Variants in SH3BP5 observed in about 807,000 individuals in gnomAD.
SH3BP5 encodes SH3 domain-binding protein 5.
In SH3BP5, 22 loss-of-function variants were observed where a neutral mutation model predicts 43.3. The ratio of observed to expected loss-of-function variants is 0.51; its 90% CI spans 0.36 to 0.73. The LOEUF (loss-of-function observed/expected upper bound fraction) is 0.73. Ranked by LOEUF, SH3BP5 falls within the 30% of genes least tolerant of loss-of-function variation. The pLI is 0.00. For synonymous variants in SH3BP5, 255 were observed against 225.8 expected, an observed-to-expected ratio of 1.13 and a Z score of -1.16; for missense variants, 529 against 586.9, an observed-to-expected ratio of 0.90 and a Z score of 1.02.
At chr3:15,303,240 C>A (rs1236792120) in intron 3 of SH3BP5, among the ~76,000 whole-genome samples, 1 of 152,244 alleles carries the variant, frequency 6.6e-6, no homozygotes, top group African/African-American at 2.4e-5. Context: ...CTGCTTAGAT[C>A]TTCTTGGGAA....
intron 2 of SH3BP5, among the ~76,000 whole-genome samples, chr3:15,320,298 T>C (rs1289423421): frequency 6.6e-6 from 1 of 151,990 alleles, no homozygotes; most frequent in Non-Finnish European, 1.5e-5. Flanking sequence ...CATTAACATC[T>C]CTTAGATAAT....
chr3:15,309,778 A>G (rs546804936), intron 2 of SH3BP5, among the ~76,000 whole-genome samples: 4 of 152,246 alleles, frequency 2.6e-5, no homozygotes, highest in African/African-American at 9.6e-5. Flanking sequence ...ATTTGACATC[A>G]GCGTTTCCTT....
chr3:15,284,265 CCT>C (rs1697205709), intron 3 of SH3BP5, among the ~76,000 whole-genome samples: 1 of 152,120 alleles, frequency 6.6e-6, no homozygotes, highest in Non-Finnish European at 1.5e-5. Context: ...TTTGCCAAGC[CCT>C]CTCTCTACAG....
At chr3:15,293,402 A>C (rs777127904) in intron 3 of SH3BP5, among the ~76,000 whole-genome samples, 1 of 152,244 alleles carries the variant, frequency 6.6e-6, no homozygotes, top group African/African-American at 2.4e-5. Flanking sequence ...GGGAAGAAGG[A>C]AGGCATGACA....
chr3:15,291,709 C>T (rs1697417637), intron 3 of SH3BP5, among the ~76,000 whole-genome samples: 1 of 152,126 alleles, frequency 6.6e-6, no homozygotes, highest in Non-Finnish European at 1.5e-5. Flanking sequence ...GCATGATGAA[C>T]CCTGAGTTGG....
intron 8 of SH3BP5, chr3:15,256,592 C>G (rs565878595): frequency 1.4e-4 from 85 of 592,978 alleles, no homozygotes; most frequent in Non-Finnish European, 2.4e-4. Flanking sequence ...ACAAACCTCT[C>G]TACTATGTGC....
chr3:15,256,146 T>G lies in SH3BP5; in HGVS notation c.1308A>C (p.Leu436=), dbSNP rs200276300. ...ALENRMKQLS[L]QCSKGRDGII... ...TTCCATCTCTTCCCTTTGAGCACTG[T>G]AGGGAGAGCTGCTTCATCCGGTTCT... Residue 436 remains leucine (L), a synonymous_variant, in exon 9 of 9, where the codon CTA becomes CTC. Coordinates refer to ENST00000383791, the MANE Select transcript of SH3BP5 (RefSeq NM_004844.5). 2 of 1,614,216 alleles carry G rather than the reference T, an allele frequency of 1.2e-6. No homozygotes were observed. The highest frequency in any genetic ancestry group is 1.7e-6 in the Non-Finnish European group (2 of 1,180,022).
At position 15,331,569 on chromosome 3, in the gene SH3BP5, G is replaced by C. The variant is rs142349401; in HGVS notation, c.138+702C>G. On this transcript the variant is annotated intron_variant, in intron 1 of 8. Coordinates refer to ENST00000383791, the MANE Select transcript of SH3BP5 (RefSeq NM_004844.5). Reference sequence around the variant, plus strand: ...TTTTTAATCATCTCTCTTGGAAATGGAGGCACAGCCAGCCAGCCCAATCCC... The same window carrying C: ...TTTTTAATCATCTCTCTTGGAAATGCAGGCACAGCCAGCCAGCCCAATCCC... Among the ~76,000 whole-genome samples the C allele has an allele frequency of 8.0e-3, 1,225 of 152,260 alleles. 12 individuals are homozygous for C. Among genetic ancestry groups the C allele is most frequent in the Non-Finnish European group, 0.013 (869 of 68,020 alleles).
At chr3:15,272,664 C>CAT (rs200230778) in intron 3 of SH3BP5, among the ~76,000 whole-genome samples, 14 of 108,516 alleles carry the variant, frequency 1.3e-4, no homozygotes, top group Admixed American at 6.4e-4. Context: ...AGGATAAAGA[C>CAT]ATTACAAAAC....
At chr3:15,256,747 A>G (rs987315410) in intron 8 of SH3BP5, 106 bp downstream of exon 8, 5 of 1,280,308 alleles carry the variant, frequency 3.9e-6, no homozygotes, top group Non-Finnish European at 5.3e-6. Context: ...AGACCTGGTA[A>G]TGCAGCATGG....
chr3:15,332,751 C>T, upstream of SH3BP5: 2 of 778,064 alleles, frequency 2.6e-6, no homozygotes, highest in African/African-American at 3.7e-5. Flanking sequence ...ATAGGACAGC[C>T]CCCACCCCCT....
chr3:15,301,903 C>G (rs116488977), intron 3 of SH3BP5, among the ~76,000 whole-genome samples: 224 of 152,176 alleles, frequency 1.5e-3, no homozygotes, highest in South Asian at 8.3e-3. Flanking sequence ...GCCACTGCCG[C>G]GACTCCAGTG....
At chr3:15,304,815 A>C (rs1422026905) in intron 2 of SH3BP5, among the ~76,000 whole-genome samples, 1 of 41,242 alleles carries the variant, frequency 2.4e-5, no homozygotes, top group Non-Finnish European at 4.3e-5. Context: ...ACTCTGTCTC[A>C]AAAAAAAAAA....
Position 15,294,325 on chromosome 3 carries a change from G to GTGTGTGTGTGTGTGTA in SH3BP5, c.330+9777_330+9778insTACACACACACACACA, listed in dbSNP as rs561289765. Among the ~76,000 whole-genome samples the GTGTGTGTGTGTGTGTA allele has an allele frequency of 3.5e-5, 5 of 142,928 alleles. 1 individual carries two copies. The highest frequency in any genetic ancestry group is 1.4e-4 in the African/African-American group (5 of 35,068). The allele number at this position is 142,928 out of a possible 152,430, so 93.8% of individuals were successfully genotyped here. A position where few individuals can be genotyped will look rare whatever the true frequency, so the allele number is the denominator to read the frequency against. On this transcript the variant is annotated intron_variant, in intron 3 of 8. Transcript: ENST00000383791. ...TGTGTGTGTGTGTGTGTGTGTGTGT[G>GTGTGTGTGTGTGTGTA]TGTGTGCGCGCGCATGTTTACGTAA...
At chr3:15,279,861 A>T (rs1424048240) in intron 3 of SH3BP5, among the ~76,000 whole-genome samples, 1 of 151,956 alleles carries the variant, frequency 6.6e-6, no homozygotes, top group Non-Finnish European at 1.5e-5. Flanking sequence ...CCTGCAGTTC[A>T]CCTCTGGACA....
At chr3:15,323,746 C>T (rs2125137806) in intron 2 of SH3BP5, among the ~76,000 whole-genome samples, 1 of 152,246 alleles carries the variant, frequency 6.6e-6, no homozygotes, top group East Asian at 1.9e-4. Flanking sequence ...AACTGAGACA[C>T]AATCCCATTT....
chr3:15,256,289 C>T lies in SH3BP5; in HGVS notation c.1165G>A (p.Gly389Arg), dbSNP rs1559420824. ...CEVERGDRAE[G>R]AENKTSDKAN... ...TTGTCACTTGTTTTATTCTCTGCCC[C>T]TTCTGCCCTGTCTCCTATAGAAATA... The change falls in exon 9 of 9, where the codon GGG becomes AGG. Residue 389 changes from glycine to arginine, a missense_variant. By Grantham distance (125) the Gly-to-Arg change is moderately radical. Coordinates refer to ENST00000383791, the MANE Select transcript of SH3BP5 (RefSeq NM_004844.5). 2 of 1,614,086 alleles carry T rather than the reference C, an allele frequency of 1.2e-6. No homozygotes were observed. Among genetic ancestry groups the T allele is most frequent in the East Asian group, 2.2e-5 (1 of 44,882 alleles).
At chr3:15,290,222 G>A (rs186530574) in intron 3 of SH3BP5, among the ~76,000 whole-genome samples, 12 of 151,786 alleles carry the variant, frequency 7.9e-5, no homozygotes, top group East Asian at 5.8e-4. Flanking sequence ...ACAAAACCCC[G>A]TCTCTTCTAA....
intron 3 of SH3BP5, among the ~76,000 whole-genome samples, chr3:15,283,395 T>C (rs572547670): frequency 4.6e-5 from 7 of 152,064 alleles, no homozygotes; most frequent in Admixed American, 3.9e-4. Context: ...AGACCCTGTC[T>C]CAAAAAAAGG....
Sources: allele counts gnomAD v4.1 joint callset (sites outside exome capture counted in the v4.1 genomes callset), GRCh38; gene constraint gnomAD v4.1.1; transcripts MANE v1.5; gene names NCBI Gene and HGNC (gene_info 2026-07-23, HGNC 2026-07-21).